HCFC2: variants seen among roughly 807,000 people sequenced by gnomAD.
HCFC2 encodes host cell factor C2.
HCFC2 carries 18 observed loss-of-function variants against 89.2 expected under a neutral mutation model. The ratio of observed to expected loss-of-function variants is 0.20; its 90% CI spans 0.14 to 0.30. The LOEUF is 0.30. HCFC2 is among the 10% of genes least tolerant of loss of function. HCFC2 has a pLI of 1.00. For missense variants in HCFC2, 578 were observed against 956.1 expected (o/e 0.60, Z 5.21); for synonymous variants, 308 against 335.7 (o/e 0.92, Z 0.90).
rs1883231467 is a variant in HCFC2, at chr12:104,068,933, A to C, written c.473+826A>C. Among the ~76,000 whole-genome samples the C allele has an allele frequency of 6.6e-6, 1 of 152,114 alleles. No homozygotes were observed. The highest frequency in any genetic ancestry group is 2.4e-5 in the African/African-American group (1 of 41,404). ...GGTATAAGATAGATATTTTGTATAT[A>C]TATTAAAATGGTTACTATAGTGGTA... On this transcript the variant is annotated intron_variant, in intron 3 of 14. Transcript: ENST00000229330. The surrounding 1 kb of genome is among the most constrained non-coding windows in gnomAD (Gnocchi z 4.1).
At chr12:104,091,412 C>G (rs1410595371) in intron 9 of HCFC2, among the ~76,000 whole-genome samples, 1 of 152,224 alleles carries the variant, frequency 6.6e-6, no homozygotes, top group African/African-American at 2.4e-5. Flanking sequence ...CAGTGACTTT[C>G]CACTTAGGAG....
chr12:104,069,873 T>A lies in HCFC2; in HGVS notation c.473+1766T>A, dbSNP rs142534938. Among the ~76,000 whole-genome samples the A allele has an allele frequency of 2.0e-3, 301 of 152,168 alleles. 1 individual carries two copies. In the Middle Eastern group the frequency reaches 0.034, roughly 17 times the overall value. ...TTGCCCTGCAACCCCCGATATGCCCTGGTGTGTGATGTTCCCTTCCCTCTG... is the reference window on the plus strand; with the variant it reads ...TTGCCCTGCAACCCCCGATATGCCCAGGTGTGTGATGTTCCCTTCCCTCTG... On this transcript the variant is annotated intron_variant, in intron 3 of 14. Coordinates refer to ENST00000229330, the MANE Select transcript of HCFC2 (RefSeq NM_013320.3).
At chr12:104,077,213 G>GT (rs1412719960) in intron 3 of HCFC2, among the ~76,000 whole-genome samples, 1 of 150,572 alleles carries the variant, frequency 6.6e-6, no homozygotes, top group Non-Finnish European at 1.5e-5. Context: ...GGGCTTTTTT[G>GT]TTTTTTGTTT....
chr12:104,075,943 CAATTTTTT>C (rs1883481800), intron 3 of HCFC2, among the ~76,000 whole-genome samples: 1 of 152,052 alleles, frequency 6.6e-6, no homozygotes, highest in Non-Finnish European at 1.5e-5. Flanking sequence ...TAATTTGCTA[CAATTTTTT>C]AAAGATCTCC....
At chr12:104,089,796 T>G (rs1566233269) in intron 9 of HCFC2, among the ~76,000 whole-genome samples, 1 of 152,246 alleles carries the variant, frequency 6.6e-6, no homozygotes, top group Non-Finnish European at 1.5e-5. Context: ...ACTTTGTTTT[T>G]CCTGGCATTA....
At position 104,104,790 on chromosome 12, in the gene HCFC2, G is replaced by T. The variant is rs554690860; in HGVS notation, c.*1517G>T. ...TTCTCTTGAAGAAAATATGCAAATT[G>T]TTAGACACATAATGAGTGGTTTCCA... On this transcript the variant is annotated 3_prime_UTR_variant, in exon 15 of 15. Transcript: ENST00000229330. 6.6e-6 allele frequency: 1 copy of T among 151,986 alleles called. No individual in the cohort carries two copies. Among genetic ancestry groups the T allele is most frequent in the African/African-American group, 2.4e-5 (1 of 41,434 alleles). 9.4% of individuals were successfully genotyped at this position (151,986 alleles called of 1,614,324 possible).
At chr12:104,069,181 C>CG (rs1388118482) in intron 3 of HCFC2, among the ~76,000 whole-genome samples, 2 of 152,130 alleles carry the variant, frequency 1.3e-5, no homozygotes, top group African/African-American at 4.8e-5. Flanking sequence ...GTGGCACGCG[C>CG]CTGTGGTCAC....
chr12:104,090,041 T>C (rs1238139370), intron 9 of HCFC2, among the ~76,000 whole-genome samples: 1 of 152,186 alleles, frequency 6.6e-6, no homozygotes, highest in Non-Finnish European at 1.5e-5. Context: ...TAGGAATTTA[T>C]CTCTTTCCTG....
At chr12:104,070,711 A>G (rs956703228) in intron 3 of HCFC2, among the ~76,000 whole-genome samples, 2 of 152,168 alleles carry the variant, frequency 1.3e-5, no homozygotes, top group Non-Finnish European at 1.5e-5. Flanking sequence ...ACTTTTTTAA[A>G]ATATAGAAAT....
chr12:104,081,956 C>G (rs1047124827), intron 5 of HCFC2, among the ~76,000 whole-genome samples: 3 of 149,780 alleles, frequency 2.0e-5, no homozygotes, highest in Non-Finnish European at 4.4e-5. Context: ...AAAAATAGAT[C>G]TGGTTGACAT....
intron 14 of HCFC2, among the ~76,000 whole-genome samples, chr12:104,102,432 T>A (rs1195217474): frequency 2.6e-5 from 4 of 152,222 alleles, no homozygotes; most frequent in Admixed American, 1.3e-4. Flanking sequence ...TTAAGCCTAG[T>A]ACCCATTAGT....
intron 13 of HCFC2, 33 bp from the exon 14 acceptor site, chr12:104,101,934 CT>C: frequency 7.1e-7 from 1 of 1,402,630 alleles, no homozygotes; most frequent in Admixed American, 2.2e-5. Context: ...TTAGTTGTAC[CT>C]TTTCTTTGAC....
At chr12:104,076,212 C>T (rs533077751) in intron 3 of HCFC2, among the ~76,000 whole-genome samples, 2 of 152,274 alleles carry the variant, frequency 1.3e-5, no homozygotes, top group South Asian at 2.1e-4. Flanking sequence ...AACTCCTAGG[C>T]TCAAGTAATC....
intron 5 of HCFC2, among the ~76,000 whole-genome samples, chr12:104,081,938 A>C (rs894820006): frequency 1.3e-5 from 2 of 150,118 alleles, no homozygotes; most frequent in Admixed American, 6.7e-5. Context: ...TCTGGTTGGC[A>C]TAAAAAAAAA....
chr12:104,098,606 AG>A, intron 13 of HCFC2, 126 bp downstream of exon 13: 1 of 945,510 alleles, frequency 1.1e-6, no homozygotes, highest in South Asian at 1.8e-5. Flanking sequence ...ACCCTGATTC[AG>A]GTCACTTGAA....
chr12:104,096,104 C>CTAGT (rs1884168660), intron 11 of HCFC2, among the ~76,000 whole-genome samples: 1 of 151,932 alleles, frequency 6.6e-6, no homozygotes, highest in Non-Finnish European at 1.5e-5. Flanking sequence ...GAAGTTTTAG[C>CTAGT]TAGTCATCAA....
In HCFC2 at chr12:104,102,943, T is replaced by G. The variant is rs181218758; in HGVS notation, c.2065-16T>G. ...ACTTAAGAACCTTTAACCTGTTTTTTCCCCCCCCCTTCAAGAATGTTGAAG... is the reference window on the plus strand; with the variant it reads ...ACTTAAGAACCTTTAACCTGTTTTTGCCCCCCCCCTTCAAGAATGTTGAAG... On this transcript the variant is annotated splice_polypyrimidine_tract_variant and intron_variant, in intron 14 of 14. Coordinates refer to ENST00000229330, the MANE Select transcript of HCFC2 (RefSeq NM_013320.3). 12 of 1,547,862 alleles carry G rather than the reference T, an allele frequency of 7.8e-6. No individual in the cohort carries two copies. The highest frequency in any genetic ancestry group is 1.2e-5 in the South Asian group (1 of 85,106).
rs1046825248 is a variant in HCFC2, at chr12:104,095,296, C to A, written c.1463-64C>A. 2.4e-6 allele frequency: 3 copies of A among 1,258,230 alleles called. No homozygotes were observed. Among genetic ancestry groups the A allele is most frequent in the Admixed American group, 1.8e-5 (1 of 55,900 alleles). The allele number at this position is 1,258,230 out of a possible 1,614,324, so 77.9% of individuals were successfully genotyped here. A position where few individuals can be genotyped will look rare whatever the true frequency, so the allele number is the denominator to read the frequency against. ...AGTACCAAGAATCATATGACAAGAACGATAAGACACAACAATTATCTGCAG... is the reference window on the plus strand; with the variant it reads ...AGTACCAAGAATCATATGACAAGAAAGATAAGACACAACAATTATCTGCAG... On this transcript the variant is annotated intron_variant, in intron 10 of 14. Transcript: ENST00000229330. The surrounding 1 kb of genome is among the most constrained non-coding windows in gnomAD (Gnocchi z 4.2).
At chr12:104,080,661 C>A in intron 4 of HCFC2, 85 bp from the exon 5 acceptor site, 1 of 755,888 alleles carries the variant, frequency 1.3e-6, no homozygotes, top group Non-Finnish European at 2.1e-6. Context: ...TTGGTAAGTC[C>A]TTGTTTTATT....
Sources: gnomAD v4.1 joint callset for allele counts (sites outside exome capture counted in the v4.1 genomes callset) on GRCh38, gnomAD v4.1.1 for gene constraint, Gnocchi (gnomAD v3.1) non-coding constraint, MANE v1.5 for transcripts, NCBI Gene and HGNC (gene_info 2026-07-23, HGNC 2026-07-21) for gene names.